Variants in LARP4 observed in about 807,000 individuals in gnomAD.
The protein encoded by LARP4 is la-related protein 4.
Under a neutral mutation model 92.9 loss-of-function variants are expected in LARP4, and 29 were observed. The observed-to-expected ratio is 0.31, with a 90% CI of 0.23 to 0.43. The LOEUF is 0.43. Among genes scored for constraint, LARP4 ranks in the 20% least tolerant of loss-of-function variants. The pLI is 1.00. For missense variants in LARP4, 732 were observed against 860.0 expected, an observed-to-expected ratio of 0.85 and a Z score of 1.86; for synonymous variants, 279 against 284.1, an observed-to-expected ratio of 0.98 and a Z score of 0.18.
chr12:50,446,471 A>C (rs1467750124), intron 8 of LARP4, among the ~76,000 whole-genome samples: 1 of 127,138 alleles, frequency 7.9e-6, no homozygotes, highest in Non-Finnish European at 1.6e-5. Flanking sequence ...TCTGTTATCC[A>C]GGCTGGAGTG....
rs1463498908 is a variant in LARP4 at position 50,427,838 on chromosome 12, C to T, written c.95C>T (p.Ala32Val). Residue 32 changes from alanine (A) to valine (V), a missense_variant, in exon 2 of 16, where the codon GCC (alanine) becomes GTC (valine). Ala to Val is a moderately conservative substitution (Grantham distance 64). Around this residue, in one of 7 missense-constraint regions of LARP4, gnomAD observed 236 missense variants for 307.6 expected, o/e 0.77. Coordinates refer to ENST00000398473, the MANE Select transcript of LARP4 (RefSeq NM_052879.5). ...WQEIAPGNTD[A>V]TPVTHGTESS... ...GAAATTGCTCCTGGAAATACTGATG[C>T]CACCCCAGTAACTCATGGAACTGAA... 2.5e-6 allele frequency: 4 copies of T among 1,603,650 alleles called. No homozygotes were observed. Among genetic ancestry groups the T allele is most frequent in the Non-Finnish European group, 3.4e-6 (4 of 1,172,806 alleles).
At chr12:50,426,348 T>C (rs1054776293) in intron 1 of LARP4, among the ~76,000 whole-genome samples, 4 of 152,172 alleles carry the variant, frequency 2.6e-5, no homozygotes, top group African/African-American at 9.7e-5. Context: ...TTTGTTGAAA[T>C]AGATTATCCC....
At chr12:50,436,726 CTGAA>C (rs1297677218) in intron 5 of LARP4, among the ~76,000 whole-genome samples, 1 of 152,016 alleles carries the variant, frequency 6.6e-6, no homozygotes, top group Non-Finnish European at 1.5e-5. Flanking sequence ...AACTATTTGA[CTGAA>C]TAAGGCAGAT....
chr12:50,466,942 T>A lies in LARP4; in HGVS notation c.1384-17T>A. 6.3e-7 allele frequency: 1 copy of A among 1,598,118 alleles called. No homozygotes were observed. The highest frequency in any genetic ancestry group is 8.6e-7 in the Non-Finnish European group (1 of 1,168,354). On this transcript the variant is annotated splice_polypyrimidine_tract_variant and intron_variant, in intron 12 of 15. Coordinates refer to ENST00000398473, the MANE Select transcript of LARP4 (RefSeq NM_052879.5). Reference sequence around the variant, plus strand: ...TGAGATAGCCATGTGACCTGTTTTATTATTTGTTCATTTTAGAGACCTCAT... The same window carrying A: ...TGAGATAGCCATGTGACCTGTTTTAATATTTGTTCATTTTAGAGACCTCAT...
At chr12:50,461,413 T>C in intron 11 of LARP4, 66 bp downstream of exon 11, 9 of 1,297,914 alleles carry the variant, frequency 6.9e-6, no homozygotes, top group Non-Finnish European at 9.8e-6. Flanking sequence ...TTGAAGAACA[T>C]GATCTTCATA....
intron 2 of LARP4, 157 bp from the exon 3 acceptor site, chr12:50,428,778 C>T (rs1316808544): frequency 1.8e-6 from 1 of 554,680 alleles, no homozygotes; most frequent in Non-Finnish European, 3.1e-6. Flanking sequence ...CAAAACTTAT[C>T]TCCCTCGGAA....
chr12:50,427,973 A>G, intron 2 of LARP4, 64 bp downstream of exon 2: 1 of 1,018,270 alleles, frequency 9.8e-7, no homozygotes, highest in Non-Finnish European at 1.4e-6. Flanking sequence ...AAGCAAGTTT[A>G]CTGAACTTGA....
At chr12:50,428,432 A>T (rs1384360189) in intron 2 of LARP4, among the ~76,000 whole-genome samples, 1 of 152,180 alleles carries the variant, frequency 6.6e-6, no homozygotes, top group Non-Finnish European at 1.5e-5. Context: ...GTTTGTATAT[A>T]ATTCTCATTT....
intron 4 of LARP4, among the ~76,000 whole-genome samples, chr12:50,434,699 A>T (rs1192110256): frequency 2.0e-5 from 3 of 151,046 alleles, no homozygotes; most frequent in Non-Finnish European, 2.9e-5. Flanking sequence ...GAGCCACCGC[A>T]CCCAGCCAAT....
At chr12:50,445,314 A>G (rs535161000) in intron 8 of LARP4, among the ~76,000 whole-genome samples, 10 of 152,266 alleles carry the variant, frequency 6.6e-5, no homozygotes, top group South Asian at 6.2e-4. Context: ...GATGTTCACC[A>G]TCATTCACAT....
At chr12:50,420,222 T>G (rs1347568137) in intron 1 of LARP4, among the ~76,000 whole-genome samples, 3 of 151,962 alleles carry the variant, frequency 2.0e-5, no homozygotes, top group Admixed American at 6.6e-5. Flanking sequence ...GCTTAGAAAC[T>G]TACTAGACAA....
At chr12:50,431,877 T>C (rs1949711009) in intron 4 of LARP4, among the ~76,000 whole-genome samples, 1 of 151,982 alleles carries the variant, frequency 6.6e-6, no homozygotes, top group Admixed American at 6.6e-5. Context: ...TCATGTAATA[T>C]TTACTTTAGC....
At chr12:50,431,206 T>A (rs759219439) in intron 4 of LARP4, among the ~76,000 whole-genome samples, 4 of 151,908 alleles carry the variant, frequency 2.6e-5, no homozygotes, top group Admixed American at 6.6e-5. Context: ...AGGCGAAGGT[T>A]GTGGTGAGCT....
In LARP4 at chr12:50,475,984, T is replaced by C; in HGVS notation, c.*120T>C. 2 of 811,886 alleles carry C rather than the reference T, an allele frequency of 2.5e-6. No homozygotes were observed. Among genetic ancestry groups the C allele is most frequent in the East Asian group, 5.4e-5 (2 of 37,138 alleles). 50.3% of individuals were successfully genotyped at this position (811,886 alleles called of 1,614,324 possible). A position where few individuals can be genotyped will look rare whatever the true frequency, so the allele number is the denominator to read the frequency against. On this transcript the variant is annotated 3_prime_UTR_variant, in exon 16 of 16. Transcript: ENST00000398473. ...AAGGAAACAAGAGAAAGTACGTCCA[T>C]TTCATTATGGATTTTGGAGTTGTGA...
At chr12:50,436,295 G>A (rs1282203639) in intron 5 of LARP4, among the ~76,000 whole-genome samples, 1 of 151,580 alleles carries the variant, frequency 6.6e-6, no homozygotes, top group African/African-American at 2.4e-5. Flanking sequence ...GGAATTACAG[G>A]CGTGAGCCAC....
Position 50,467,013 on chromosome 12 carries a change from T to C in LARP4, c.1438T>C (p.Leu480=), listed in dbSNP as rs752975215. The C allele has an allele frequency of 3.4e-5, 55 of 1,613,608 alleles. No homozygotes were observed. Among genetic ancestry groups the C allele is most frequent in the East Asian group, 1.1e-4 (5 of 44,868 alleles). Residue 480 remains leucine, a synonymous_variant, in exon 13 of 16, where the codon TTA becomes CTA. Transcript: ENST00000398473. ...GGCTCCAACACCAAAGTTTGACTTA[T>C]TAGCCTCAAATTTTCCACCTTTACC... The part of the protein sequence containing the change: ...SKAPTPKFDL[L]ASNFPPLPGS...
In LARP4 at chr12:50,473,522, G is replaced by T. The variant is rs1957163763; in HGVS notation, c.1653G>T (p.Glu551Asp). ...GTACCAGTTCTCCATGTGCTGCTGA[G>T]CTTACTGCATTAAGGTACAAGTTAT... ...NMSTSSPCAA[E>D]LTALSTTQQE... Residue 551 changes from glutamate to aspartate, a missense_variant, in exon 14 of 16, where the codon GAG (glutamate) becomes GAT (aspartate). Physicochemically the swap from Glu to Asp is conservative, Grantham distance 45. This residue lies in a region of LARP4 where 97 missense variants were observed against 85.9 expected (regional missense o/e 1.13). Coordinates refer to ENST00000398473, the MANE Select transcript of LARP4 (RefSeq NM_052879.5). 2 of 1,613,308 alleles carry T rather than the reference G, an allele frequency of 1.2e-6. No homozygotes were observed.
chr12:50,404,990 T>C (rs968696741), intron 1 of LARP4, among the ~76,000 whole-genome samples: 17 of 150,420 alleles, frequency 1.1e-4, no homozygotes, highest in African/African-American at 3.9e-4. Flanking sequence ...ACCTGGCGGG[T>C]TCAAGCAGTT....
At chr12:50,418,280 G>T (rs1947188042) in intron 1 of LARP4, among the ~76,000 whole-genome samples, 1 of 152,196 alleles carries the variant, frequency 6.6e-6, no homozygotes, top group African/African-American at 2.4e-5. Context: ...GGGATTACAG[G>T]CGTGAGCCAC....
Sources: allele counts gnomAD v4.1 joint callset (sites outside exome capture counted in the v4.1 genomes callset), GRCh38; gene constraint gnomAD v4.1.1; regional missense constraint gnomAD v4.1.1; transcripts MANE v1.5; gene names NCBI Gene and HGNC (gene_info 2026-07-23, HGNC 2026-07-21).